DERA: variants seen among roughly 807,000 people sequenced by gnomAD.
DERA encodes 2-deoxy-D-ribose 5-phosphate aldolase.
DERA carries 15 observed loss-of-function variants against 41.1 expected under a neutral mutation model. The observed-to-expected ratio is 0.37, with a 90% CI of 0.24 to 0.56. The LOEUF is 0.56. Among genes scored for constraint, DERA ranks in the 20% least tolerant of loss-of-function variants. The probability of loss-of-function intolerance (pLI) is 0.81; values close to 1 mark genes in which losing one functional copy is unlikely to be tolerated. For missense variants in DERA, 396 were observed against 403.4 expected, an observed-to-expected ratio of 0.98 and a Z score of 0.16; for synonymous variants, 139 against 137.4, an observed-to-expected ratio of 1.01 and a Z score of -0.08.
rs56142412 is a variant in DERA, at chr12:15,971,508, C to CT, written c.508+8586dup. On this transcript the variant is annotated intron_variant, in intron 5 of 8. Coordinates refer to ENST00000428559, the MANE Select transcript of DERA (RefSeq NM_015954.4). ...AAGAGGCCATCTTTATATCTCAACT[C>CT]TTTTTTTTTTTTTTTTTTTTTTTTT... 4.0e-3 allele frequency among the ~76,000 whole-genome samples: 389 copies of CT among 97,006 alleles called. 6 individuals are homozygous for CT. The highest frequency in any genetic ancestry group is 9.5e-3 in the African/African-American group (223 of 23,436). 63.6% of individuals were successfully genotyped at this position (97,006 alleles called of 152,430 possible).
Position 16,035,830 on chromosome 12 carries a change from A to T in DERA, c.751-402A>T, listed in dbSNP as rs1402345078. ...ACCTCAAGATGAAGGCTGAGAAGTG[A>T]CTCTACAGGCTTACTTGTGGAAATG... is the stretch of plus-strand genomic sequence containing the variant. On this transcript the variant is annotated intron_variant, in intron 7 of 8. Transcript: ENST00000428559. The surrounding 1 kb of genome is among the most constrained non-coding windows in gnomAD (Gnocchi z 4.1). 6.6e-6 allele frequency among the ~76,000 whole-genome samples: 1 copy of T among 152,070 alleles called. No homozygotes were observed. The highest frequency in any genetic ancestry group is 1.5e-5 in the Non-Finnish European group (1 of 68,030).
intron 1 of DERA, among the ~76,000 whole-genome samples, chr12:15,929,388 C>G (rs186241961): frequency 6.6e-6 from 1 of 152,094 alleles, no homozygotes; most frequent in African/African-American, 2.4e-5. Flanking sequence ...GGTGATTTCC[C>G]CTCTAATTCG....
rs1370263943 is a variant in DERA at position 15,911,718 on chromosome 12, A to C, written c.31+304A>C. Reference sequence around the variant, plus strand: ...CGCTGGTTGGAAAACCCAACAACCCAAAAAACAAAACCCAAAACAAACAAC... The same window carrying C: ...CGCTGGTTGGAAAACCCAACAACCCCAAAAACAAAACCCAAAACAAACAAC... On this transcript the variant is annotated intron_variant, in intron 1 of 8. Coordinates refer to ENST00000428559, the MANE Select transcript of DERA (RefSeq NM_015954.4). This position sits in a 1 kb window ranked among gnomAD's most constrained non-coding sequence, Gnocchi z 4.5. The C allele has an allele frequency of 2.6e-5, 17 of 646,076 alleles. No individual in the cohort carries two copies. The highest frequency in any genetic ancestry group is 4.0e-5 in the Non-Finnish European group (14 of 349,594). The allele number at this position is 646,076 out of a possible 1,614,324, so 40.0% of individuals were successfully genotyped here. A position where few individuals can be genotyped will look rare whatever the true frequency, so the allele number is the denominator to read the frequency against.
In DERA at chr12:15,954,853, G is replaced by A. The variant is rs918944593; in HGVS notation, c.32-2083G>A. 5.9e-5 allele frequency among the ~76,000 whole-genome samples: 9 copies of A among 152,158 alleles called. No homozygotes were observed. The highest frequency in any genetic ancestry group is 2.6e-4 in the Admixed American group (4 of 15,278). The stretch of plus-strand genomic sequence containing the variant: ...GCCTGTCAAAGCCTTGCCCCACTGA[G>A]TAATAGGCCTACCTCTTTTTGATCA... On this transcript the variant is annotated intron_variant, in intron 1 of 8. Coordinates refer to ENST00000428559, the MANE Select transcript of DERA (RefSeq NM_015954.4). This position sits in a 1 kb window ranked among gnomAD's most constrained non-coding sequence, Gnocchi z 4.0.
Position 15,928,996 on chromosome 12 carries a change from G to T in DERA, c.31+17582G>T, listed in dbSNP as rs571268055. ...AGCGTTCTCTGTGAAAACTGGACAG[G>T]AGTCAGCTCCTTTAGAGCACTGGCT... On this transcript the variant is annotated intron_variant, in intron 1 of 8. Transcript: ENST00000428559. This position sits in a 1 kb window ranked among gnomAD's most constrained non-coding sequence, Gnocchi z 4.6. Among the ~76,000 whole-genome samples, 1 of 152,156 alleles carries T rather than the reference G, an allele frequency of 6.6e-6. No homozygotes were observed. Among genetic ancestry groups the T allele is most frequent in the Non-Finnish European group, 1.5e-5 (1 of 68,036 alleles).
At position 15,995,011 on chromosome 12, in the gene DERA, A is replaced by G. The variant is rs1453055509; in HGVS notation, c.637+12575A>G. Among the ~76,000 whole-genome samples, 1 of 152,196 alleles carries G rather than the reference A, an allele frequency of 6.6e-6. No individual in the cohort carries two copies. Among genetic ancestry groups the G allele is most frequent in the Non-Finnish European group, 1.5e-5 (1 of 68,034 alleles). On this transcript the variant is annotated intron_variant, in intron 6 of 8. Coordinates refer to ENST00000428559, the MANE Select transcript of DERA (RefSeq NM_015954.4). This position sits in a 1 kb window ranked among gnomAD's most constrained non-coding sequence, Gnocchi z 5.1. ...TTAAGTGAATAGACCAAGGCCACAC[A>G]CTGAGTAAGTGGCAGAATTTTCTGA... is the stretch of plus-strand genomic sequence containing the variant.
rs1949013947 is a variant in DERA, at chr12:16,020,967, C to T, written c.638-11575C>T. 1.3e-5 allele frequency among the ~76,000 whole-genome samples: 2 copies of T among 152,182 alleles called. No individual in the cohort carries two copies. Among genetic ancestry groups the T allele is most frequent in the African/African-American group, 4.8e-5 (2 of 41,436 alleles). Reference sequence around the variant, plus strand: ...GTCACATGCTGGAGCAAAGGAATTACTTAATGTGAGAACTTATATTTAAAT... The same window carrying T: ...GTCACATGCTGGAGCAAAGGAATTATTTAATGTGAGAACTTATATTTAAAT... On this transcript the variant is annotated intron_variant, in intron 6 of 8. Coordinates refer to ENST00000428559, the MANE Select transcript of DERA (RefSeq NM_015954.4). This position sits in a 1 kb window ranked among gnomAD's most constrained non-coding sequence, Gnocchi z 5.5.
intron 1 of DERA, among the ~76,000 whole-genome samples, chr12:15,946,173 A>G (rs1219284888): frequency 6.6e-6 from 1 of 152,154 alleles, no homozygotes; most frequent in Non-Finnish European, 1.5e-5. Flanking sequence ...CATCAGGGAT[A>G]TTGGTCTAAA....
intron 6 of DERA, among the ~76,000 whole-genome samples, chr12:16,028,930 G>A (rs868571817): frequency 6.6e-6 from 1 of 152,068 alleles, no homozygotes. Context: ...AGATGGGATT[G>A]GTTATTGAGT....
chr12:16,027,536 C>G (rs1186017026), intron 6 of DERA, among the ~76,000 whole-genome samples: 1 of 152,160 alleles, frequency 6.6e-6, no homozygotes, highest in African/African-American at 2.4e-5. Flanking sequence ...AGATTAGACT[C>G]ATAAACAAAA....
chr12:15,969,049 T>C (rs1486192985), intron 5 of DERA, among the ~76,000 whole-genome samples: 1 of 152,236 alleles, frequency 6.6e-6, no homozygotes, highest in Admixed American at 6.5e-5. Context: ...ATTTTATGTT[T>C]AGTGTTTTCA....
In DERA at chr12:15,913,174, AT is replaced by A. The variant is rs1565581155; in HGVS notation, c.31+1762del. The stretch of plus-strand genomic sequence containing the variant: ...TTTTTAAATTTATTTATTTGCAGTA[AT>A]TAGAATCAATCACTTCCATTCATTT... On this transcript the variant is annotated intron_variant, in intron 1 of 8. Transcript: ENST00000428559. The surrounding 1 kb of genome is among the most constrained non-coding windows in gnomAD (Gnocchi z 4.5). Among the ~76,000 whole-genome samples the A allele has an allele frequency of 6.6e-6, 1 of 152,232 alleles. No individual in the cohort carries two copies. The highest frequency in any genetic ancestry group is 1.5e-5 in the Non-Finnish European group (1 of 68,038).
chr12:15,982,418 A>G lies in DERA; in HGVS notation c.619A>G (p.Met207Val), dbSNP rs775394509. 1.9e-6 allele frequency: 3 copies of G among 1,608,226 alleles called. No homozygotes were observed. Among genetic ancestry groups the G allele is most frequent in the South Asian group, 1.1e-5 (1 of 89,250 alleles). Residue 207 changes from methionine to valine, a missense_variant, in exon 6 of 9, where the codon ATG becomes GTG. Met to Val is a conservative substitution (Grantham distance 21). Transcript: ENST00000428559. The surrounding 1 kb of genome is among the most constrained non-coding windows in gnomAD (Gnocchi z 4.0). Reference sequence around the variant, plus strand: ...TCTTACTAATGTCTATAAAGCCAGTATGATAGCAATGATGGCAGGTAAGTG... The same window carrying G: ...TCTTACTAATGTCTATAAAGCCAGTGTGATAGCAATGATGGCAGGTAAGTG... The part of the protein sequence containing the change: ...GTLTNVYKAS[M>V]IAMMAGSDFI...
intron 4 of DERA, among the ~76,000 whole-genome samples, chr12:15,962,477 T>C (rs1427177980): frequency 6.6e-6 from 1 of 152,244 alleles, no homozygotes; most frequent in East Asian, 1.9e-4. Flanking sequence ...GGGCTACCAC[T>C]ACTATTTTAT....
intron 1 of DERA, among the ~76,000 whole-genome samples, chr12:15,956,367 A>G (rs1184412434): frequency 6.6e-6 from 1 of 152,330 alleles, no homozygotes; most frequent in South Asian, 2.1e-4. Context: ...CTTTTTTTCT[A>G]ACTTCTGTTA....
rs1193693493 is a variant in DERA, at chr12:15,984,949, A to G, written c.637+2513A>G. 6.6e-6 allele frequency among the ~76,000 whole-genome samples: 1 copy of G among 152,184 alleles called. No individual in the cohort carries two copies. Among genetic ancestry groups the G allele is most frequent in the Non-Finnish European group, 1.5e-5 (1 of 68,034 alleles). ...AATTTCTGACTAAATTCTGTATTCT[A>G]CTTCTGTGGTGGTATAAAAAATTTT... On this transcript the variant is annotated intron_variant, in intron 6 of 8. Coordinates refer to ENST00000428559, the MANE Select transcript of DERA (RefSeq NM_015954.4). This position sits in a 1 kb window ranked among gnomAD's most constrained non-coding sequence, Gnocchi z 4.5.
rs1948241468 is a variant in DERA at position 15,921,238 on chromosome 12, G to T, written c.31+9824G>T. On this transcript the variant is annotated intron_variant, in intron 1 of 8. Transcript: ENST00000428559. The surrounding 1 kb of genome is among the most constrained non-coding windows in gnomAD (Gnocchi z 5.3). ...AAGTAAGTGCATATATCTGAAAAGT[G>T]CACTGTGTCTGAAAAGGGACATACT... 6.6e-6 allele frequency among the ~76,000 whole-genome samples: 1 copy of T among 152,166 alleles called. No individual in the cohort carries two copies. Among genetic ancestry groups the T allele is most frequent in the Non-Finnish European group, 1.5e-5 (1 of 68,032 alleles).
At chr12:16,018,467 T>C (rs1451084213) in intron 6 of DERA, among the ~76,000 whole-genome samples, 3 of 152,176 alleles carry the variant, frequency 2.0e-5, no homozygotes, top group Non-Finnish European at 4.4e-5. Flanking sequence ...TCTTGTTCTA[T>C]TTAGTAATGA....
chr12:15,916,900 A>G (rs1299456946), intron 1 of DERA, among the ~76,000 whole-genome samples: 3 of 152,200 alleles, frequency 2.0e-5, no homozygotes, highest in Non-Finnish European at 4.4e-5. Flanking sequence ...GCTGTAGTCA[A>G]TGTGCCAGGC....
Sources: allele counts gnomAD v4.1 joint callset (sites outside exome capture counted in the v4.1 genomes callset), GRCh38; gene constraint gnomAD v4.1.1; non-coding constraint Gnocchi (gnomAD v3.1); transcripts MANE v1.5; gene names NCBI Gene and HGNC (gene_info 2026-07-23, HGNC 2026-07-21).